Variants in DOCK8 observed in about 807,000 individuals in gnomAD.
The protein encoded by DOCK8 is dedicator of cytokinesis 8.
Under a neutral mutation model 245.6 loss-of-function variants are expected in DOCK8, and 141 were observed. The ratio of observed to expected loss-of-function variants is 0.57; its 90% CI spans 0.50 to 0.66. DOCK8 has a LOEUF of 0.66. Among genes scored for constraint, DOCK8 ranks in the 30% least tolerant of loss-of-function variants. The pLI, the probability that DOCK8 is intolerant of heterozygous loss-of-function variation, is 0.00. For synonymous variants in DOCK8, 1,168 were observed against 970.2 expected (o/e 1.20, Z -3.79); for missense variants, 2,965 against 2,603.4 (o/e 1.14, Z -3.02).
chr9:241,941 T>C (rs2047383125), intron 1 of DOCK8, among the ~76,000 whole-genome samples: 1 of 152,210 alleles, frequency 6.6e-6, no homozygotes, highest in African/African-American at 2.4e-5. Context: ...TTTTAAAATG[T>C]TTGTTTTGTT....
intron 1 of DOCK8, among the ~76,000 whole-genome samples, chr9:237,623 C>T (rs927136529): frequency 2.0e-5 from 3 of 152,070 alleles, no homozygotes; most frequent in African/African-American, 7.2e-5. Flanking sequence ...CCACTGCACT[C>T]CAGTCTGGGT....
chr9:351,571 G>A (rs1586770963), intron 14 of DOCK8, among the ~76,000 whole-genome samples: 1 of 152,338 alleles, frequency 6.6e-6, no homozygotes, highest in East Asian at 1.9e-4. Flanking sequence ...ATTAAGGCTG[G>A]GCTCCATTTG....
intron 8 of DOCK8, among the ~76,000 whole-genome samples, chr9:327,450 G>C (rs1056940310): frequency 6.8e-6 from 1 of 146,252 alleles, no homozygotes; most frequent in East Asian, 2.0e-4. Context: ...CTGGCATGCA[G>C]TGGGGCGATC....
At chr9:464,009 A>C in intron 47 of DOCK8, 150 bp from the exon 48 acceptor site, 1 of 790,880 alleles carries the variant, frequency 1.3e-6, no homozygotes, top group Non-Finnish European at 2.2e-6. Flanking sequence ...GGGGTCGCAG[A>C]CCTTTCACTT....
At chr9:396,727 C>A in intron 24 of DOCK8, 58 bp from the exon 25 acceptor site, 2 of 1,605,046 alleles carry the variant, frequency 1.2e-6, no homozygotes, top group Non-Finnish European at 1.7e-6. Flanking sequence ...CCCTTTTCTG[C>A]ATTGTACAAG....
At chr9:314,013 A>G (rs1342561316) in intron 6 of DOCK8, among the ~76,000 whole-genome samples, 1 of 152,212 alleles carries the variant, frequency 6.6e-6, no homozygotes, top group Non-Finnish European at 1.5e-5. Flanking sequence ...AAAAGCAACA[A>G]TTAGGCTAAA....
At position 326,206 on chromosome 9, in the gene DOCK8, G is replaced by A. The variant is rs12350289; in HGVS notation, c.894+469G>A. ...ATGAAAACAGTGACCAAGACCTCTC[G>A]TGTGTTTTTAATGTTTAGTCATTTT... On this transcript the variant is annotated intron_variant, in intron 8 of 47. Transcript: ENST00000432829. Among the ~76,000 whole-genome samples the A allele has an allele frequency of 4.2e-3, 637 of 152,260 alleles. 4 individuals carry two copies. Among genetic ancestry groups the A allele is most frequent in the African/African-American group, 0.011 (445 of 41,548 alleles).
Position 218,111 on chromosome 9 carries a change from C to G in DOCK8, c.53+3082C>G, listed in dbSNP as rs543825727. On this transcript the variant is annotated intron_variant, in intron 1 of 47. Coordinates refer to ENST00000432829, the MANE Select transcript of DOCK8 (RefSeq NM_203447.4). Reference sequence around the variant, plus strand: ...GTTGAAGGTGGAAAAGAAATGTTTTCCCTTACGTGCCTACCTATTATTTTT... The same window carrying G: ...GTTGAAGGTGGAAAAGAAATGTTTTGCCTTACGTGCCTACCTATTATTTTT... 2.0e-4 allele frequency among the ~76,000 whole-genome samples: 30 copies of G among 152,166 alleles called. 1 individual carries two copies. In the South Asian group the frequency reaches 6.2e-3, roughly 32 times the overall value.
intron 1 of DOCK8, among the ~76,000 whole-genome samples, chr9:217,945 A>C (rs1044204867): frequency 1.1e-4 from 17 of 152,184 alleles, no homozygotes; most frequent in Admixed American, 1.0e-3. Context: ...ATTTTGATGC[A>C]TATGTATCCC....
chr9:347,889 G>A (rs2051982031), intron 14 of DOCK8, among the ~76,000 whole-genome samples: 1 of 152,114 alleles, frequency 6.6e-6, no homozygotes. Context: ...AGCCACTAGA[G>A]GACACAATTC....
In DOCK8 at chr9:296,646, G is replaced by C. The variant is rs556406070; in HGVS notation, c.404+7065G>C. On this transcript the variant is annotated intron_variant, in intron 4 of 47. Coordinates refer to ENST00000432829, the MANE Select transcript of DOCK8 (RefSeq NM_203447.4). ...AGTGCATATAATTCAGTTACTCCCA[G>C]AACACCATAAAAATGTTTCCCTGAT... Among the ~76,000 whole-genome samples the C allele has an allele frequency of 3.3e-5, 5 of 152,290 alleles. No individual in the cohort carries two copies. In the South Asian group the frequency reaches 1.0e-3, roughly 32 times the overall value.
At chr9:412,361 C>T (rs1045046920) in intron 28 of DOCK8, among the ~76,000 whole-genome samples, 5 of 145,666 alleles carry the variant, frequency 3.4e-5, no homozygotes, top group East Asian at 4.0e-4. Flanking sequence ...GCTGAGATCA[C>T]GCTACTGCAC....
At chr9:447,621 A>C (rs897512496) in intron 44 of DOCK8, among the ~76,000 whole-genome samples, 6 of 152,206 alleles carry the variant, frequency 3.9e-5, no homozygotes, top group African/African-American at 1.4e-4. Flanking sequence ...TTTTCATAGA[A>C]AGAAATCTTT....
chr9:287,031 C>G (rs1258360655), intron 3 of DOCK8, among the ~76,000 whole-genome samples: 2 of 152,140 alleles, frequency 1.3e-5, no homozygotes, highest in South Asian at 2.1e-4. Flanking sequence ...TACTGAAATG[C>G]CACCATCCAG....
intron 35 of DOCK8, 64 bp downstream of exon 35, chr9:428,560 C>G (rs1461290015): frequency 7.1e-5 from 113 of 1,593,290 alleles, no homozygotes; most frequent in Non-Finnish European, 9.4e-5. Context: ...TAGCTTCATA[C>G]TTCTCTCTTC....
chr9:434,451 T>C (rs902347307), intron 38 of DOCK8, among the ~76,000 whole-genome samples: 1 of 152,162 alleles, frequency 6.6e-6, no homozygotes, highest in Non-Finnish European at 1.5e-5. Context: ...AGTACTTTTG[T>C]CTTCTGTTTT....
chr9:329,213 A>G (rs1281170729), intron 9 of DOCK8, among the ~76,000 whole-genome samples: 1 of 152,124 alleles, frequency 6.6e-6, no homozygotes, highest in Non-Finnish European at 1.5e-5. Context: ...TTGGTTCCCA[A>G]AGTGTTGGGA....
intron 23 of DOCK8, among the ~76,000 whole-genome samples, chr9:387,378 G>A (rs2053999157): frequency 6.6e-6 from 1 of 151,850 alleles, no homozygotes; most frequent in South Asian, 2.1e-4. Flanking sequence ...GGGAGGCAGA[G>A]GCTGCAGTGA....
chr9:462,395 C>T (rs945322121), intron 46 of DOCK8, among the ~76,000 whole-genome samples: 3 of 152,184 alleles, frequency 2.0e-5, no homozygotes, highest in Non-Finnish European at 4.4e-5. Context: ...ATAAATGGCC[C>T]TAAGCTGATA....
Sources: gnomAD v4.1 joint callset for allele counts (sites outside exome capture counted in the v4.1 genomes callset) on GRCh38, gnomAD v4.1.1 for gene constraint, MANE v1.5 for transcripts, NCBI Gene and HGNC (gene_info 2026-07-23, HGNC 2026-07-21) for gene names.